ARHGAP39: variants seen among roughly 807,000 people sequenced by gnomAD.
ARHGAP39 encodes Rho GTPase activating protein 39.
In ARHGAP39, 44 loss-of-function variants were observed where a neutral mutation model predicts 106.9. The ratio of observed to expected loss-of-function variants is 0.41; its 90% confidence interval spans 0.32 to 0.53. ARHGAP39 has a LOEUF of 0.53. Ranked by LOEUF, ARHGAP39 falls within the 20% of genes least tolerant of loss-of-function variation. The pLI, the probability that ARHGAP39 is intolerant of heterozygous loss-of-function variation, is 0.21. For missense variants in ARHGAP39, 1,496 were observed against 1,577.3 expected, an observed-to-expected ratio of 0.95 and a Z score of 0.87; for synonymous variants, 768 against 693.2, an observed-to-expected ratio of 1.11 and a Z score of -1.69.
At chr8:144,694,814 G>C in the ARHGAP39 span, among the ~76,000 whole-genome samples, 1 of 152,154 alleles carries the variant, frequency 6.6e-6, no homozygotes, top group African/African-American at 2.4e-5. Context: ...TCAGTACAGG[G>C]GGGCCTTCTC....
intron 1 of ARHGAP39, among the ~76,000 whole-genome samples, chr8:144,642,360 G>A (rs933755313): frequency 1.5e-4 from 23 of 152,122 alleles, no homozygotes; most frequent in Admixed American, 3.3e-4. Flanking sequence ...GGTGGCGGGC[G>A]CCTGTAGTCC....
intron 2 of ARHGAP39, among the ~76,000 whole-genome samples, chr8:144,599,623 T>G (rs551973257): frequency 2.0e-5 from 3 of 151,976 alleles, no homozygotes; most frequent in Non-Finnish European, 4.4e-5. Context: ...TCTATATGTT[T>G]AAAAGACAAA....
the ARHGAP39 span, among the ~76,000 whole-genome samples, chr8:144,698,323 GCCATGCTT>G: frequency 6.6e-6 from 1 of 152,176 alleles, no homozygotes; most frequent in Non-Finnish European, 1.5e-5. Context: ...AGATACTGGT[GCCATGCTT>G]CCTGCACAGC....
chr8:144,693,476 C>T, the ARHGAP39 span, among the ~76,000 whole-genome samples: 2 of 152,080 alleles, frequency 1.3e-5, no homozygotes, highest in African/African-American at 4.8e-5. Flanking sequence ...CGGGTTCATG[C>T]CATTCTCCTG....
At chr8:144,537,515 AAAG>A (rs1817005829) in intron 7 of ARHGAP39, among the ~76,000 whole-genome samples, 1 of 152,112 alleles carries the variant, frequency 6.6e-6, no homozygotes. Context: ...TGGACACCAC[AAAG>A]ACACGTGTGG....
chr8:144,577,536 T>C (rs116249494), intron 3 of ARHGAP39, among the ~76,000 whole-genome samples: 1,658 of 151,976 alleles, frequency 0.011, 31 homozygotes, highest in African/African-American at 0.038. Flanking sequence ...TGCAGGGCAA[T>C]CAGTTAAGGA....
At chr8:144,676,927 G>A (rs912780535) in intron 1 of ARHGAP39, among the ~76,000 whole-genome samples, 4 of 152,232 alleles carry the variant, frequency 2.6e-5, no homozygotes, top group Non-Finnish European at 5.9e-5. Context: ...TCACCTCCAC[G>A]CCCAGCTAAT....
chr8:144,675,962 C>T (rs1822225409), intron 1 of ARHGAP39, among the ~76,000 whole-genome samples: 1 of 148,948 alleles, frequency 6.7e-6, no homozygotes, highest in Middle Eastern at 3.3e-3. Flanking sequence ...TTCCTTCCTC[C>T]CGTCAGGAGT....
Position 144,644,198 on chromosome 8 carries a change from T to C in ARHGAP39, c.-81-38503A>G, listed in dbSNP as rs530299892. Among the ~76,000 whole-genome samples the C allele has an allele frequency of 6.6e-6, 1 of 152,168 alleles. No homozygotes were observed. Among genetic ancestry groups the C allele is most frequent in the South Asian group, 2.1e-4 (1 of 4,808 alleles). The stretch of plus-strand genomic sequence containing the variant: ...CCAGACGATGGGGGAGAAAAGACGG[T>C]GGACCCACTCAATGCGATGCTTCAG... On this transcript the variant is annotated intron_variant, in intron 1 of 11. Coordinates refer to ENST00000377307, the MANE Select transcript of ARHGAP39 (RefSeq NM_025251.3). This position sits in a 1 kb window ranked among gnomAD's most constrained non-coding sequence, Gnocchi z 4.8.
At chr8:144,541,950 C>T (rs989825081) in intron 6 of ARHGAP39, among the ~76,000 whole-genome samples, 1 of 148,118 alleles carries the variant, frequency 6.8e-6, no homozygotes, top group Non-Finnish European at 1.5e-5. Flanking sequence ...AGTGGCTGTA[C>T]CATTTTACAT....
At chr8:144,602,784 A>C (rs1403819573) in intron 2 of ARHGAP39, among the ~76,000 whole-genome samples, 1 of 91,732 alleles carries the variant, frequency 1.1e-5, no homozygotes. Context: ...ATGTGCATGG[A>C]GGCGTGTGTG....
chr8:144,543,603 G>C (rs1243073912), intron 6 of ARHGAP39, among the ~76,000 whole-genome samples: 1 of 152,210 alleles, frequency 6.6e-6, no homozygotes, highest in Admixed American at 6.5e-5. Flanking sequence ...GGCCTTCTTT[G>C]GCAGAGCTCT....
At chr8:144,582,249 C>T (rs760380719) in intron 2 of ARHGAP39, among the ~76,000 whole-genome samples, 1 of 152,216 alleles carries the variant, frequency 6.6e-6, no homozygotes, top group Non-Finnish European at 1.5e-5. Context: ...GCCCCCCTGG[C>T]GGCCGGCGCA....
rs1250502543 is a variant in ARHGAP39 at position 144,684,454 on chromosome 8, G to A, written c.-82+1232C>T. Among the ~76,000 whole-genome samples, 3 of 152,170 alleles carry A rather than the reference G, an allele frequency of 2.0e-5. No individual in the cohort carries two copies. The highest frequency in any genetic ancestry group is 4.4e-5 in the Non-Finnish European group (3 of 68,032). The stretch of plus-strand genomic sequence containing the variant: ...TCCGTATTGTTGTACCAGGAGGCAC[G>A]AGAAGCCTCACCACTGTAGGTTTTT... On this transcript the variant is annotated intron_variant, in intron 1 of 11. Coordinates refer to ENST00000377307, the MANE Select transcript of ARHGAP39 (RefSeq NM_025251.3). The surrounding 1 kb of genome is among the most constrained non-coding windows in gnomAD (Gnocchi z 4.4).
At chr8:144,573,693 C>G (rs967558213) in intron 3 of ARHGAP39, among the ~76,000 whole-genome samples, 1 of 152,050 alleles carries the variant, frequency 6.6e-6, no homozygotes, top group Non-Finnish European at 1.5e-5. Context: ...AAAAAGAAAA[C>G]AGAAATTATC....
chr8:144,615,040 C>T (rs926821091), intron 1 of ARHGAP39, among the ~76,000 whole-genome samples: 3 of 152,238 alleles, frequency 2.0e-5, no homozygotes, highest in Non-Finnish European at 4.4e-5. Flanking sequence ...GAGTCTGGAT[C>T]ATGGGGGCAG....
chr8:144,537,668 G>C, intron 7 of ARHGAP39, 53 bp downstream of exon 7: 1 of 1,518,728 alleles, frequency 6.6e-7, no homozygotes, highest in Non-Finnish European at 9.1e-7. Flanking sequence ...GCCGAGGCTG[G>C]AGAGCAGAGC....
At chr8:144,555,115 T>C (rs1350707376) in intron 4 of ARHGAP39, among the ~76,000 whole-genome samples, 2 of 152,290 alleles carry the variant, frequency 1.3e-5, no homozygotes, top group Non-Finnish European at 2.9e-5. Context: ...GTCTTGAGGG[T>C]GGTCTCCAGA....
At chr8:144,611,880 G>A (rs532035552) in intron 1 of ARHGAP39, among the ~76,000 whole-genome samples, 3 of 152,168 alleles carry the variant, frequency 2.0e-5, no homozygotes, top group African/African-American at 7.2e-5. Context: ...ATGGTGGGGT[G>A]CACTTGTATT....
Sources: gnomAD v4.1 joint callset for allele counts (sites outside exome capture counted in the v4.1 genomes callset) on GRCh38, gnomAD v4.1.1 for gene constraint, Gnocchi (gnomAD v3.1) non-coding constraint, MANE v1.5 for transcripts, NCBI Gene and HGNC (gene_info 2026-07-23, HGNC 2026-07-21) for gene names.